CCDC7: variants seen among roughly 807,000 people sequenced by gnomAD.
The protein encoded by CCDC7 is coiled-coil domain containing 7.
In CCDC7, 183 loss-of-function variants were observed where a neutral mutation model predicts 196.9. The ratio of observed to expected loss-of-function variants is 0.93; its 90% CI spans 0.82 to 1.05. The LOEUF is 1.05. Ranked by LOEUF, CCDC7 falls within the 50% of genes least tolerant of loss-of-function variation. The pLI is 0.00. For synonymous variants in CCDC7, 525 were observed against 484.6 expected (o/e 1.08, Z -1.10); for missense variants, 1,540 against 1,482.2 (o/e 1.04, Z -0.64).
At chr10:32,809,978 C>T (rs1023661946) in intron 30 of CCDC7, among the ~76,000 whole-genome samples, 3 of 152,068 alleles carry the variant, frequency 2.0e-5, no homozygotes. Context: ...GGAACGAACT[C>T]AAATGTCTAT....
chr10:32,802,942 C>A (rs1040804514), intron 29 of CCDC7, among the ~76,000 whole-genome samples: 2 of 152,226 alleles, frequency 1.3e-5, no homozygotes, highest in African/African-American at 4.8e-5. Flanking sequence ...GTGGATCTGC[C>A]TCTCCTAGTC....
intron 8 of CCDC7, among the ~76,000 whole-genome samples, chr10:32,484,816 G>A (rs1378036602): frequency 1.3e-5 from 2 of 152,158 alleles, no homozygotes; most frequent in Non-Finnish European, 2.9e-5. Flanking sequence ...ATTTGTGCAT[G>A]TTGAACCAGC....
At chr10:32,722,020 G>T (rs1163182119) in intron 25 of CCDC7, among the ~76,000 whole-genome samples, 3 of 152,134 alleles carry the variant, frequency 2.0e-5, no homozygotes, top group African/African-American at 7.2e-5. Context: ...CCCAAGGCCA[G>T]TACACAGGCC....
At chr10:32,576,809 C>G (rs939406917) in intron 16 of CCDC7, among the ~76,000 whole-genome samples, 6 of 152,094 alleles carry the variant, frequency 3.9e-5, no homozygotes, top group African/African-American at 1.4e-4. Context: ...CCTCAGCTTC[C>G]TAAAGACTTC....
chr10:32,518,103 A>G (rs1589438970), intron 10 of CCDC7, 128 bp downstream of exon 11: 1 of 1,215,080 alleles, frequency 8.2e-7, no homozygotes, highest in East Asian at 2.7e-5. Flanking sequence ...AGAGATTTGT[A>G]TGCATATGTG....
intron 9 of CCDC7, among the ~76,000 whole-genome samples, chr10:32,507,185 G>T (rs1057078253): frequency 1.3e-5 from 2 of 152,088 alleles, no homozygotes; most frequent in Non-Finnish European, 1.5e-5. Context: ...TAGAGACGGG[G>T]TTTCACCATG....
At chr10:32,770,998 T>C (rs1240148748) in intron 28 of CCDC7, among the ~76,000 whole-genome samples, 2 of 152,194 alleles carry the variant, frequency 1.3e-5, no homozygotes, top group Admixed American at 1.3e-4. Flanking sequence ...GGTAAGTCTA[T>C]TGAAGACAGC....
At chr10:32,589,340 T>C (rs1253047465) in intron 18 of CCDC7, among the ~76,000 whole-genome samples, 1 of 152,290 alleles carries the variant, frequency 6.6e-6, no homozygotes, top group East Asian at 1.9e-4. Flanking sequence ...TCATTCTTTT[T>C]ATGGCTGAAT....
chr10:32,654,050 C>T (rs1278407436), intron 20 of CCDC7, among the ~76,000 whole-genome samples: 2 of 152,094 alleles, frequency 1.3e-5, no homozygotes, highest in African/African-American at 4.8e-5. Flanking sequence ...TAGGTAATTT[C>T]AACTTATTTG....
At chr10:32,626,476 G>A (rs999213522) in intron 18 of CCDC7, among the ~76,000 whole-genome samples, 8 of 151,836 alleles carry the variant, frequency 5.3e-5, no homozygotes, top group African/African-American at 1.9e-4. Flanking sequence ...CTTGATGAAT[G>A]TATGGCTTGT....
At chr10:32,789,778 G>A (rs2082406274) in intron 29 of CCDC7, among the ~76,000 whole-genome samples, 1 of 152,040 alleles carries the variant, frequency 6.6e-6, no homozygotes, top group African/African-American at 2.4e-5. Flanking sequence ...TTATAAAAGG[G>A]GAAATTTGAT....
chr10:32,494,050 C>T (rs1345081454), intron 9 of CCDC7, among the ~76,000 whole-genome samples: 1 of 151,992 alleles, frequency 6.6e-6, no homozygotes, highest in Admixed American at 6.6e-5. Context: ...TGATGCAGTC[C>T]CATTTGTCTA....
downstream of CCDC7, chr10:32,876,486 A>G: frequency 8.1e-7 from 1 of 1,229,180 alleles, no homozygotes; most frequent in Non-Finnish European, 1.2e-6. Flanking sequence ...TGAAAATAAT[A>G]CTGACTCGTG....
At chr10:32,681,515 A>AT (rs1032506120) in intron 21 of CCDC7, among the ~76,000 whole-genome samples, 10 of 152,114 alleles carry the variant, frequency 6.6e-5, no homozygotes, top group Non-Finnish European at 1.5e-4. Context: ...TAAAAATGTT[A>AT]TATGCCCAAG....
chr10:32,617,739 C>T (rs894426057), intron 18 of CCDC7, among the ~76,000 whole-genome samples: 2 of 151,878 alleles, frequency 1.3e-5, no homozygotes, highest in African/African-American at 2.4e-5. Context: ...AATATTCTAT[C>T]TGCTTATCAA....
intron 15 of CCDC7, among the ~76,000 whole-genome samples, chr10:32,570,142 A>C (rs2057372021): frequency 6.6e-6 from 1 of 152,208 alleles, no homozygotes; most frequent in African/African-American, 2.4e-5. Flanking sequence ...CCATGTCCCC[A>C]AATGAACCAA....
In CCDC7 at chr10:32,644,898, G is replaced by A. The variant is rs369009221; in HGVS notation, c.2014+9740G>A. Among the ~76,000 whole-genome samples, 13 of 152,202 alleles carry A rather than the reference G, an allele frequency of 8.5e-5. No individual in the cohort carries two copies. In the East Asian group the frequency reaches 1.9e-3, roughly 23 times the overall value. Reference sequence around the variant, plus strand: ...CTTTATCAGCAACATGAAAGTGTACGAATACAACTGGATAGTATTCATTGC... The same window carrying A: ...CTTTATCAGCAACATGAAAGTGTACAAATACAACTGGATAGTATTCATTGC... On this transcript the variant is annotated intron_variant, in intron 20 of 41. Coordinates refer to ENST00000639629, the Ensembl canonical transcript of CCDC7.
At chr10:32,465,925 C>T (rs943766499) in intron 5 of CCDC7, among the ~76,000 whole-genome samples, 1 of 152,202 alleles carries the variant, frequency 6.6e-6, no homozygotes, top group African/African-American at 2.4e-5. Flanking sequence ...CCATTCCTGA[C>T]AACTCACTTC....
chr10:32,517,155 CAG>C (rs1184242426), intron 9 of CCDC7, among the ~76,000 whole-genome samples: 2 of 152,058 alleles, frequency 1.3e-5, no homozygotes, highest in Non-Finnish European at 2.9e-5. Context: ...AGAATAGTGA[CAG>C]AGACCATCAG....
Sources: gnomAD v4.1 joint callset for allele counts (sites outside exome capture counted in the v4.1 genomes callset) on GRCh38, gnomAD v4.1.1 for gene constraint, MANE v1.5 for transcripts, NCBI Gene and HGNC (gene_info 2026-07-23, HGNC 2026-07-21) for gene names.